Variants in SFXN4 observed in about 807,000 individuals in gnomAD.
The protein encoded by SFXN4 is sideroflexin-4.
SFXN4 carries 48 observed loss-of-function variants against 54.6 expected under a neutral mutation model. The observed-to-expected ratio is 0.88, with a 90% CI of 0.70 to 1.12. The LOEUF is 1.12. SFXN4 is among the 50% of genes most tolerant of loss of function. The probability of loss-of-function intolerance (pLI) is 0.00; values close to 1 mark genes in which losing one functional copy is unlikely to be tolerated. For synonymous variants in SFXN4, 130 were observed against 145.5 expected, an observed-to-expected ratio of 0.89 and a Z score of 0.77; for missense variants, 383 against 409.2, an observed-to-expected ratio of 0.94 and a Z score of 0.55.
rs181797411 is a variant in SFXN4, at chr10:119,157,951, G to A, written c.415-24C>T. The A allele has an allele frequency of 1.9e-4, 303 of 1,614,046 alleles. No homozygotes were observed. In the African/African-American group the frequency reaches 2.9e-3, roughly 15 times the overall value. On this transcript the variant is annotated intron_variant, in intron 7 of 13. Transcript: ENST00000355697. ...ACCTGCCGAGAGGGGCAAATGGATC[G>A]CATTTTCGTTTCAAGCATAACAGAA... is the stretch of plus-strand genomic sequence containing the variant.
intron 11 of SFXN4, among the ~76,000 whole-genome samples, chr10:119,151,267 G>A (rs910581986): frequency 2.0e-5 from 3 of 151,996 alleles, no homozygotes; most frequent in Non-Finnish European, 4.4e-5. Flanking sequence ...TACTTGGGAG[G>A]CTGAGGCAGG....
chr10:119,152,638 C>A (rs552919211), intron 11 of SFXN4, among the ~76,000 whole-genome samples: 3 of 152,096 alleles, frequency 2.0e-5, no homozygotes, highest in Non-Finnish European at 2.9e-5. Flanking sequence ...TGTCATAATT[C>A]ATTTAGGTAA....
intron 13 of SFXN4, among the ~76,000 whole-genome samples, chr10:119,144,208 G>A (rs1353571493): frequency 6.6e-6 from 1 of 152,164 alleles, no homozygotes; most frequent in African/African-American, 2.4e-5. Flanking sequence ...TGTAATACCA[G>A]CACTTTGGGA....
At chr10:119,155,212 G>C (rs775061609) in intron 10 of SFXN4, 35 bp from the exon 11 acceptor site, 3 of 1,428,290 alleles carry the variant, frequency 2.1e-6, no homozygotes, top group Non-Finnish European at 3.0e-6. Context: ...CACCCAAGAC[G>C]GGGGTGAGTC....
At chr10:119,161,945 G>A (rs1251090386) in intron 3 of SFXN4, among the ~76,000 whole-genome samples, 5 of 152,188 alleles carry the variant, frequency 3.3e-5, no homozygotes, top group Admixed American at 6.5e-5. Context: ...GGAACAGTCC[G>A]TTTGAGCCTA....
chr10:119,158,015 T>G lies in SFXN4; in HGVS notation c.408A>C (p.Leu136Phe), dbSNP rs1589643344. The G allele has an allele frequency of 6.2e-7, 1 of 1,614,138 alleles. No individual in the cohort carries two copies. The highest frequency in any genetic ancestry group is 1.7e-5 in the Admixed American group (1 of 60,016). The change falls in exon 7 of 14, where the codon TTA becomes TTC. Residue 136 changes from leucine to phenylalanine, a missense_variant. Leu to Phe is a conservative substitution (Grantham distance 22). Coordinates refer to ENST00000355697, the MANE Select transcript of SFXN4 (RefSeq NM_213649.2). ...TPLKGIKSVI[L>F]PQVFLCAYMA... ...AAACAGGAAGAATGGCTACCTGAGGTAAAATCACGGACTTGATCCCTTTCA... is the reference window on the plus strand; with the variant it reads ...AAACAGGAAGAATGGCTACCTGAGGGAAAATCACGGACTTGATCCCTTTCA...
At chr10:119,159,915 G>A (rs1231033664) in intron 5 of SFXN4, among the ~76,000 whole-genome samples, 162 bp from the exon 6 acceptor site, 2 of 152,146 alleles carry the variant, frequency 1.3e-5, no homozygotes, top group African/African-American at 2.4e-5. Flanking sequence ...TAAAGTGGGG[G>A]GTCAAGGTCT....
At chr10:119,160,829 AC>A in intron 5 of SFXN4, 85 bp downstream of exon 5, 2 of 1,373,108 alleles carry the variant, frequency 1.5e-6, no homozygotes, top group Non-Finnish European at 2.1e-6. Context: ...CGAACTCCTG[AC>A]CCCAGGTGAT....
chr10:119,154,946 G>T, intron 11 of SFXN4, 116 bp downstream of exon 11: 1 of 692,686 alleles, frequency 1.4e-6, no homozygotes, highest in Non-Finnish European at 2.6e-6. Flanking sequence ...AGCATGCTAA[G>T]GAAAGACGGG....
chr10:119,149,474 G>T (rs894898748), intron 11 of SFXN4, among the ~76,000 whole-genome samples: 6 of 152,176 alleles, frequency 3.9e-5, no homozygotes, highest in African/African-American at 1.4e-4. Context: ...TAAGGGCCGG[G>T]CACGGTGGCT....
intron 12 of SFXN4, 70 bp downstream of exon 12, chr10:119,147,705 C>A: frequency 7.6e-7 from 1 of 1,319,444 alleles, no homozygotes; most frequent in South Asian, 1.2e-5. Flanking sequence ...CCACCAGGGT[C>A]AGTATCTGAC....
chr10:119,150,804 A>G lies in SFXN4; in HGVS notation c.733-2944T>C, dbSNP rs114449758. On this transcript the variant is annotated intron_variant, in intron 11 of 13. Transcript: ENST00000355697. ...GTTGTGGAGAAATACAAACACACATATGCATAAAGATGTGCAAGTGAATGT... is the reference window on the plus strand; with the variant it reads ...GTTGTGGAGAAATACAAACACACATGTGCATAAAGATGTGCAAGTGAATGT... 9.6e-3 allele frequency among the ~76,000 whole-genome samples: 1,455 copies of G among 152,354 alleles called. 24 individuals carry two copies. The highest frequency in any genetic ancestry group is 0.033 in the African/African-American group (1,386 of 41,582).
At chr10:119,151,429 T>C (rs1022196669) in intron 11 of SFXN4, among the ~76,000 whole-genome samples, 1 of 22,246 alleles carries the variant, frequency 4.5e-5, no homozygotes, top group African/African-American at 1.8e-4. Context: ...GGGGTGGGGG[T>C]GGGGGTGGGC....
chr10:119,142,525 A>G (rs2133560891), intron 13 of SFXN4, among the ~76,000 whole-genome samples: 1 of 147,880 alleles, frequency 6.8e-6, no homozygotes, highest in Middle Eastern at 3.5e-3. Context: ...GCCCTCCTTG[A>G]GCCAACAGGA....
intron 5 of SFXN4, 67 bp downstream of exon 5, chr10:119,160,848 G>A: frequency 6.6e-7 from 1 of 1,515,422 alleles, no homozygotes; most frequent in Admixed American, 1.7e-5. Context: ...GATCCGGCAG[G>A]CAGAGTTTTC....
At position 119,142,451 on chromosome 10, in the gene SFXN4, A is replaced by G. The variant is rs7071786; in HGVS notation, c.937-1132T>C. On this transcript the variant is annotated intron_variant, in intron 13 of 13. Coordinates refer to ENST00000355697, the MANE Select transcript of SFXN4 (RefSeq NM_213649.2). Reference sequence around the variant, plus strand: ...TAGTAATGACAGTAGTTACAAAACTACTATGTCATTGTCACACCTAACAAA... The same window carrying G: ...TAGTAATGACAGTAGTTACAAAACTGCTATGTCATTGTCACACCTAACAAA... Among the ~76,000 whole-genome samples, 1,089 of 152,140 alleles carry G rather than the reference A, an allele frequency of 7.2e-3. 8 individuals are homozygous for G. The highest frequency in any genetic ancestry group is 0.025 in the African/African-American group (1,022 of 41,498).
In SFXN4 at chr10:119,152,823, C is replaced by T. The variant is rs544881411; in HGVS notation, c.732+2239G>A. 2.0e-5 allele frequency among the ~76,000 whole-genome samples: 3 copies of T among 152,252 alleles called. No homozygotes were observed. The South Asian group carries it at 6.2e-4, about 32-fold the overall frequency. ...CTTTTCTGAGCTTCCCTGCCACCAA[C>T]ATGCTGGTCAGTAGAAGGACATACC... On this transcript the variant is annotated intron_variant, in intron 11 of 13. Transcript: ENST00000355697.
intron 2 of SFXN4, among the ~76,000 whole-genome samples, chr10:119,163,037 A>T (rs1381585967): frequency 1.3e-5 from 2 of 152,064 alleles, no homozygotes; most frequent in African/African-American, 4.8e-5. Flanking sequence ...TTCTCGAGAG[A>T]TCCTCCCATC....
At chr10:119,150,409 C>T (rs1366454163) in intron 11 of SFXN4, among the ~76,000 whole-genome samples, 2 of 152,070 alleles carry the variant, frequency 1.3e-5, no homozygotes, top group African/African-American at 4.8e-5. Context: ...AAGCTGGGTG[C>T]AGTGCCTCAC....
Sources: gnomAD v4.1 joint callset for allele counts (sites outside exome capture counted in the v4.1 genomes callset) on GRCh38, gnomAD v4.1.1 for gene constraint, MANE v1.5 for transcripts, NCBI Gene and HGNC (gene_info 2026-07-23, HGNC 2026-07-21) for gene names.